Variants in ACTN4 observed in about 807,000 individuals in gnomAD.
The protein encoded by ACTN4 is alpha-actinin-4.
In ACTN4, 18 loss-of-function variants were observed where a neutral mutation model predicts 114.2. That is an observed-to-expected ratio of 0.16 (90% confidence interval 0.11 to 0.23). The LOEUF is 0.23. Ranked by LOEUF, ACTN4 falls within the 10% of genes least tolerant of loss-of-function variation. ACTN4 has a pLI of 1.00. For synonymous variants in ACTN4, 515 were observed against 506.3 expected, an observed-to-expected ratio of 1.02 and a Z score of -0.23; for missense variants, 722 against 1,262.9, an observed-to-expected ratio of 0.57 and a Z score of 6.49.
intron 1 of ACTN4, among the ~76,000 whole-genome samples, chr19:38,664,735 CTGGTTAAG>C (rs1421524994): frequency 6.6e-6 from 1 of 152,128 alleles, no homozygotes; most frequent in East Asian, 1.9e-4. Flanking sequence ...CCTTTTCCAC[CTGGTTAAG>C]ACTTCCGGGG....
intron 1 of ACTN4, among the ~76,000 whole-genome samples, chr19:38,677,333 G>T (rs1005268019): frequency 6.6e-6 from 1 of 150,710 alleles, no homozygotes; most frequent in Admixed American, 6.7e-5. Flanking sequence ...ATGTAAGTGT[G>T]CACTAAATAA....
At position 38,717,644 on chromosome 19, in the gene ACTN4, C is replaced by T. The variant is rs551255265; in HGVS notation, c.1144-283C>T. On this transcript the variant is annotated intron_variant, in intron 10 of 20. Transcript: ENST00000252699. The surrounding 1 kb of genome is among the most constrained non-coding windows in gnomAD (Gnocchi z 4.0). ...CCATGTGCTTGAGGCCCTTCATCAGCGGAGGGGCAGTGCGCCCTGGACGGT... is the reference window on the plus strand; with the variant it reads ...CCATGTGCTTGAGGCCCTTCATCAGTGGAGGGGCAGTGCGCCCTGGACGGT... Among the ~76,000 whole-genome samples, 11 of 152,296 alleles carry T rather than the reference C, an allele frequency of 7.2e-5. No individual in the cohort carries two copies. Among genetic ancestry groups the T allele is most frequent in the South Asian group, 4.1e-4 (2 of 4,830 alleles).
intron 1 of ACTN4, among the ~76,000 whole-genome samples, chr19:38,684,941 TTTTGTTTG>T (rs754083581): frequency 1.3e-4 from 20 of 151,794 alleles, no homozygotes; most frequent in African/African-American, 4.4e-4. Context: ...CCAAATGGCT[TTTTGTTTG>T]TTTGTTTGTT....
chr19:38,666,335 T>C (rs962845581), intron 1 of ACTN4, among the ~76,000 whole-genome samples: 2 of 152,016 alleles, frequency 1.3e-5, no homozygotes, highest in African/African-American at 4.8e-5. Context: ...ATTTGGAAAA[T>C]GTTACAACGG....
chr19:38,660,919 A>C (rs926103271), intron 1 of ACTN4, among the ~76,000 whole-genome samples: 6 of 152,110 alleles, frequency 3.9e-5, no homozygotes, highest in African/African-American at 1.4e-4. Context: ...CAGTGCAGGT[A>C]CTTCAGATGG....
Position 38,647,661 on chromosome 19 carries a change from G to C in ACTN4, c.-85G>C, listed in dbSNP as rs1406664651. ...CGGAGGGCGGGCTGAAGCAGCTGAA[G>C]CGGCGGTAGCGGCGGCGGCTCGGGC... On this transcript the variant is annotated 5_prime_UTR_variant, in exon 1 of 21. Coordinates refer to ENST00000252699, the MANE Select transcript of ACTN4 (RefSeq NM_004924.6). 9 of 1,468,430 alleles carry C rather than the reference G, an allele frequency of 6.1e-6. No individual in the cohort carries two copies. The Middle Eastern group carries it at 1.2e-3, about 195-fold the overall frequency. 91.0% of individuals were successfully genotyped at this position (1,468,430 alleles called of 1,614,324 possible). A position where few individuals can be genotyped will look rare whatever the true frequency, so the allele number is the denominator to read the frequency against.
rs755132279 is a variant in ACTN4 at position 38,731,029 on chromosome 19, C to T, written c.*1597C>T. 16 of 1,555,068 alleles carry T rather than the reference C, an allele frequency of 1.0e-5. No individual in the cohort carries two copies. Among genetic ancestry groups the T allele is most frequent in the Admixed American group, 1.9e-5 (1 of 51,586 alleles). ...CAGGTGCTGGCTGCAGTGGCCTGTG[C>T]AGAGAGGGGCAGGGTGAGTGCCCAC... On this transcript the variant is annotated 3_prime_UTR_variant, in exon 21 of 21. Coordinates refer to ENST00000252699, the MANE Select transcript of ACTN4 (RefSeq NM_004924.6).
chr19:38,713,691 T>C (rs1466752784), intron 8 of ACTN4, among the ~76,000 whole-genome samples: 1 of 152,228 alleles, frequency 6.6e-6, no homozygotes, highest in African/African-American at 2.4e-5. Flanking sequence ...TCCATTTTCC[T>C]TCCCCATCAC....
chr19:38,651,445 C>T (rs1346639092), intron 1 of ACTN4, among the ~76,000 whole-genome samples: 1 of 152,200 alleles, frequency 6.6e-6, no homozygotes, highest in Non-Finnish European at 1.5e-5. Flanking sequence ...AGTTCCCTCT[C>T]CCAATTTCTA....
chr19:38,648,278 G>T, intron 1 of ACTN4: 1 of 187,116 alleles, frequency 5.3e-6, no homozygotes, highest in Non-Finnish European at 1.1e-5. Flanking sequence ...CATGGGTTGG[G>T]GGTGCTGGGA....
chr19:38,721,789 G>A, intron 12 of ACTN4, 101 bp downstream of exon 12: 2 of 1,540,904 alleles, frequency 1.3e-6, no homozygotes, highest in Non-Finnish European at 1.8e-6. Flanking sequence ...TCAAGGCCTG[G>A]AATAGGGTCC....
chr19:38,686,990 G>A (rs1344160790), intron 1 of ACTN4, among the ~76,000 whole-genome samples: 2 of 141,178 alleles, frequency 1.4e-5, no homozygotes, highest in Non-Finnish European at 3.1e-5. Context: ...TTGAGACAGA[G>A]TCTCACTCTG....
At chr19:38,706,020 T>TCA in intron 4 of ACTN4, 24 bp from the exon 5 acceptor site, 1 of 1,613,178 alleles carries the variant, frequency 6.2e-7, no homozygotes. Flanking sequence ...GAGCCAGTGC[T>TCA]CACTGTCTTT....
chr19:38,680,213 T>C (rs1217750536), intron 1 of ACTN4, among the ~76,000 whole-genome samples: 1 of 11,968 alleles, frequency 8.4e-5, no homozygotes, highest in Non-Finnish European at 3.4e-4. Flanking sequence ...GCTCAGGAAG[T>C]TTTTTTTTTT....
chr19:38,721,590 C>T lies in ACTN4; in HGVS notation c.1344C>T (p.Asp448=), dbSNP rs1433638826. 2 of 1,613,986 alleles carry T rather than the reference C, an allele frequency of 1.2e-6. No individual in the cohort carries two copies. Among genetic ancestry groups the T allele is most frequent in the South Asian group, 1.1e-5 (1 of 91,092 alleles). Residue 448 remains aspartate (D), a synonymous_variant, in exon 12 of 21, where the codon GAC becomes GAT. Coordinates refer to ENST00000252699, the MANE Select transcript of ACTN4 (RefSeq NM_004924.6). ...HRDYETATLS[D]IKALIRKHEA... ...ACTACGAGACGGCCACACTATCGGACATCAAAGCCCTCATTCGCAAGCACG... is the reference window on the plus strand; with the variant it reads ...ACTACGAGACGGCCACACTATCGGATATCAAAGCCCTCATTCGCAAGCACG...
At chr19:38,719,286 TCC>T (rs1407623912) in intron 11 of ACTN4, among the ~76,000 whole-genome samples, 1 of 152,160 alleles carries the variant, frequency 6.6e-6, no homozygotes, top group Non-Finnish European at 1.5e-5. Context: ...TCCCTGGCCC[TCC>T]GGCCGCCACT....
chr19:38,714,079 G>A (rs1489469077), intron 8 of ACTN4, among the ~76,000 whole-genome samples: 1 of 152,170 alleles, frequency 6.6e-6, no homozygotes, highest in African/African-American at 2.4e-5. Flanking sequence ...GTTGCCCCCA[G>A]CTCTCCAGCT....
In ACTN4 at chr19:38,723,672, C is replaced by T. The variant is rs1319575908; in HGVS notation, c.1501C>T (p.Gln501Ter). The T allele has an allele frequency of 6.2e-7, 1 of 1,613,526 alleles. No homozygotes were observed. Among genetic ancestry groups the T allele is most frequent in the Non-Finnish European group, 8.5e-7 (1 of 1,179,828 alleles). Residue 501 changes from glutamine to a stop codon, truncating the protein, a stop_gained, in exon 13 of 21, where the codon CAG becomes TAG. Transcript: ENST00000252699. LOFTEE classifies it high-confidence loss of function. ...CACCCGGTGCCAGAAGATCTGTGAC[C>T]AGTGGGACGCCCTCGGCTCTCTGAC... ...VNTRCQKICD[Q>*]WDALGSLTHS...
chr19:38,659,707 C>G (rs1976823239), intron 1 of ACTN4, among the ~76,000 whole-genome samples: 1 of 152,084 alleles, frequency 6.6e-6, no homozygotes, highest in African/African-American at 2.4e-5. Context: ...AACTTTCTTG[C>G]CTAAAAATAA....
Sources: allele counts gnomAD v4.1 joint callset (sites outside exome capture counted in the v4.1 genomes callset), GRCh38; gene constraint gnomAD v4.1.1; non-coding constraint Gnocchi (gnomAD v3.1); transcripts MANE v1.5; gene names NCBI Gene and HGNC (gene_info 2026-07-23, HGNC 2026-07-21).